Variants in PRRT4 observed in about 807,000 individuals in gnomAD.
PRRT4 encodes proline-rich transmembrane protein 4.
PRRT4 carries 59 observed loss-of-function variants against 55.6 expected under a neutral mutation model. That is an observed-to-expected ratio of 1.06 (90% CI 0.86 to 1.32). PRRT4 has a LOEUF of 1.32. PRRT4 is among the 40% of genes most tolerant of loss of function. The pLI, the probability that PRRT4 is intolerant of heterozygous loss-of-function variation, is 0.00. For synonymous variants in PRRT4, 606 were observed against 601.8 expected, an observed-to-expected ratio of 1.01 and a Z score of -0.10; for missense variants, 1,217 against 1,222.0, an observed-to-expected ratio of 1.00 and a Z score of 0.06.
chr7:128,351,992 G>A, exon 5 of PRRT4: 2 of 1,306,854 alleles, frequency 1.5e-6, no homozygotes, highest in Admixed American at 3.3e-5. Context: ...CGCCGCCGCC[G>A]CCCGCCCCAG....
exon 5 of PRRT4, chr7:128,350,874 G>C: frequency 6.4e-7 from 1 of 1,551,120 alleles, no homozygotes; most frequent in Non-Finnish European, 8.7e-7. Context: ...CTATGGTGTC[G>C]CTGCCCACGC....
In PRRT4 at chr7:128,352,109, G is replaced by GGGC. The variant is rs1361909439; in HGVS notation, c.1444_1446dup (p.Ala482dup). 9 of 1,158,800 alleles carry GGGC rather than the reference G, an allele frequency of 7.8e-6. No homozygotes were observed. In the Admixed American group the frequency reaches 1.4e-4, roughly 18 times the overall value. The allele number at this position is 1,158,800 out of a possible 1,614,324, so 71.8% of individuals were successfully genotyped here. On this transcript the variant is annotated inframe_insertion, in exon 5 of 5. Transcript: ENST00000535159. ...AGCGGGCGATGCGCGGCGCTCCCGA[G>GGGC]GGCGGCGGCGGCCGCCAGCCCCAGC...
intron 3 of PRRT4, 93 bp downstream of exon 4, chr7:128,359,056 A>C: frequency 7.3e-7 from 1 of 1,362,184 alleles, no homozygotes; most frequent in Non-Finnish European, 1.0e-6. Context: ...CAATGCAAGA[A>C]AGTAAAAAAA....
At chr7:128,361,120 C>T (rs1212119068) in intron 1 of PRRT4, among the ~76,000 whole-genome samples, 186 bp downstream of exon 2, 2 of 151,020 alleles carry the variant, frequency 1.3e-5, no homozygotes, top group African/African-American at 4.9e-5. Flanking sequence ...CACACACACA[C>T]ACACACACAC....
intron 4 of PRRT4, among the ~76,000 whole-genome samples, chr7:128,357,236 A>ACT (rs60699919): frequency 2.1e-4 from 30 of 140,894 alleles, no homozygotes; most frequent in South Asian, 9.6e-4. Flanking sequence ...ACACACACAC[A>ACT]CTCTCTCTCT....
intron 4 of PRRT4, among the ~76,000 whole-genome samples, chr7:128,354,570 AACACACAC>A (rs927167837): frequency 1.2e-5 from 1 of 83,486 alleles, no homozygotes; most frequent in Non-Finnish European, 2.8e-5. Flanking sequence ...GCTCAAAAAA[AACACACAC>A]ACACACACAC....
chr7:128,352,052 G>A, exon 5 of PRRT4: 4 of 1,246,610 alleles, frequency 3.2e-6, no homozygotes, highest in Middle Eastern at 3.1e-4. Context: ...AGAAAGGCGT[G>A]CAGCCCGCGC....
At chr7:128,351,691 G>A (rs1156822383) in exon 5 of PRRT4, 2 of 1,507,158 alleles carry the variant, frequency 1.3e-6, no homozygotes, top group Non-Finnish European at 1.8e-6. Context: ...GCAGAGCGCC[G>A]GGTAGAGGCC....
At chr7:128,359,351 A>G in exon 2 of PRRT4, 1 of 1,477,464 alleles carries the variant, frequency 6.8e-7, no homozygotes, top group East Asian at 2.5e-5. Flanking sequence ...AAAGGGTCCC[A>G]GGCGCCCAGC....
chr7:128,354,487 C>T (rs1047208368), intron 4 of PRRT4, among the ~76,000 whole-genome samples: 1 of 151,964 alleles, frequency 6.6e-6, no homozygotes, highest in Non-Finnish European at 1.5e-5. Flanking sequence ...TCGCTTGAAC[C>T]GGGGAGGCGG....
chr7:128,356,053 G>T (rs1459567709), intron 4 of PRRT4, among the ~76,000 whole-genome samples: 2 of 152,250 alleles, frequency 1.3e-5, no homozygotes, highest in East Asian at 3.9e-4. Flanking sequence ...AAGGTCAGGA[G>T]TTCCAGACCA....
chr7:128,352,593 T>C (rs1797018940), exon 5 of PRRT4: 1 of 1,543,892 alleles, frequency 6.5e-7, no homozygotes, highest in Admixed American at 2.0e-5. Flanking sequence ...TGCAGGACCC[T>C]GGCCCACACT....
chr7:128,352,814 C>A, intron 4 of PRRT4, 136 bp from the exon 6 acceptor site: 1 of 850,148 alleles, frequency 1.2e-6, no homozygotes, highest in Non-Finnish European at 1.8e-6. Context: ...AGACTCACCC[C>A]ACCTCTTGGC....
exon 1 of PRRT4, chr7:128,361,565 C>G (rs911692651): frequency 2.0e-5 from 3 of 152,622 alleles, no homozygotes; most frequent in Non-Finnish European, 4.4e-5. Context: ...TCTCACCAGG[C>G]GGGCGGCCAG....
intron 1 of PRRT4, among the ~76,000 whole-genome samples, chr7:128,361,103 T>TCTCA (rs1450661437): frequency 8.1e-4 from 63 of 77,564 alleles, no homozygotes; most frequent in East Asian, 5.4e-3. Flanking sequence ...TCTCTCTCTC[T>TCTCA]CACACACACA....
exon 2 of PRRT4, chr7:128,359,765 G>A: frequency 6.5e-7 from 1 of 1,548,172 alleles, no homozygotes; most frequent in Non-Finnish European, 8.7e-7. Flanking sequence ...AAGAGAGAGT[G>A]GCTGGGTCTC....
At chr7:128,357,301 C>T (rs1454924897) in intron 4 of PRRT4, among the ~76,000 whole-genome samples, 1 of 151,800 alleles carries the variant, frequency 6.6e-6, no homozygotes, top group East Asian at 1.9e-4. Flanking sequence ...GGCGTTCTCT[C>T]CAGGAGGCCT....
At position 128,358,538 on chromosome 7, in the gene PRRT4, T is replaced by C; in HGVS notation, c.877+143A>G. The C allele has an allele frequency of 2.6e-6, 2 of 774,102 alleles. No individual in the cohort carries two copies. The highest frequency in any genetic ancestry group is 4.2e-6 in the Non-Finnish European group (2 of 478,758). The allele number at this position is 774,102 out of a possible 1,614,324, so 48.0% of individuals were successfully genotyped here. A position where few individuals can be genotyped will look rare whatever the true frequency, so the allele number is the denominator to read the frequency against. ...TACTTTCTCTCAGACCATTCATATATATCTCCACGGTGATGATGAAGAGAA... is the reference window on the plus strand; with the variant it reads ...TACTTTCTCTCAGACCATTCATATACATCTCCACGGTGATGATGAAGAGAA... On this transcript the variant is annotated intron_variant, in intron 4 of 4. Coordinates refer to ENST00000535159, the Ensembl canonical transcript of PRRT4. This position sits in a 1 kb window ranked among gnomAD's most constrained non-coding sequence, Gnocchi z 4.4.
chr7:128,357,246 T>A (rs543961312), intron 4 of PRRT4, among the ~76,000 whole-genome samples: 93,128 of 135,838 alleles, frequency 0.69, 32,536 homozygotes, highest in Non-Finnish European at 0.77. Flanking sequence ...ACTCTCTCTC[T>A]CTCTCTCTCT....
Sources: allele counts gnomAD v4.1 joint callset (sites outside exome capture counted in the v4.1 genomes callset), GRCh38; gene constraint gnomAD v4.1.1; non-coding constraint Gnocchi (gnomAD v3.1); transcripts MANE v1.5; gene names NCBI Gene and HGNC (gene_info 2026-07-23, HGNC 2026-07-21).